The following EML4 variants were observed in gnomAD, a reference collection of about 807,000 sequenced individuals.
The protein encoded by EML4 is echinoderm microtubule-associated protein-like 4.
A neutral mutation model predicts 129.0 loss-of-function variants in EML4; 72 were observed. The observed-to-expected ratio is 0.56, with a 90% confidence interval of 0.46 to 0.68. The LOEUF (loss-of-function observed/expected upper bound fraction) is 0.68, where lower values mean the gene tolerates loss of function less well. EML4 is among the 30% of genes least tolerant of loss of function. EML4 has a pLI of 0.00. For missense variants in EML4, 1,363 were observed against 1,190.6 expected, an observed-to-expected ratio of 1.14 and a Z score of -2.13; for synonymous variants, 532 against 405.0, an observed-to-expected ratio of 1.31 and a Z score of -3.77.
intron 1 of EML4, among the ~76,000 whole-genome samples, chr2:42,205,256 C>G (rs944163656): frequency 6.6e-6 from 1 of 152,196 alleles, no homozygotes; most frequent in Non-Finnish European, 1.5e-5. Flanking sequence ...ACAAAAAACA[C>G]TTCCAGATGT....
intron 1 of EML4, among the ~76,000 whole-genome samples, chr2:42,242,138 G>C (rs1675078371): frequency 6.6e-6 from 1 of 152,128 alleles, no homozygotes; most frequent in Non-Finnish European, 1.5e-5. Flanking sequence ...CTAAAACCTA[G>C]CACCCTAACC....
intron 6 of EML4, among the ~76,000 whole-genome samples, chr2:42,272,449 T>A (rs1666431394): frequency 6.6e-6 from 1 of 152,182 alleles, no homozygotes; most frequent in African/African-American, 2.4e-5. Context: ...ATTTATCAGA[T>A]CTTTACATTT....
intron 1 of EML4, among the ~76,000 whole-genome samples, chr2:42,211,237 A>G (rs1003370116): frequency 6.6e-6 from 1 of 151,128 alleles, no homozygotes; most frequent in African/African-American, 2.4e-5. Context: ...AGCATGGCTG[A>G]AAAAAAATCA....
At position 42,255,083 on chromosome 2, in the gene EML4, T is replaced by G. The variant is rs535523178; in HGVS notation, c.209-1418T>G. 1.6e-3 allele frequency among the ~76,000 whole-genome samples: 237 copies of G among 151,950 alleles called. 1 individual carries two copies. Among genetic ancestry groups the G allele is most frequent in the African/African-American group, 5.5e-3 (229 of 41,488 alleles). On this transcript the variant is annotated intron_variant, in intron 2 of 22. Transcript: ENST00000318522. Reference sequence around the variant, plus strand: ...CTTAATGGATACGCGGTTTTTGTTTTTTTTTTCTTTTCTTTTCTTTGAGAC... The same window carrying G: ...CTTAATGGATACGCGGTTTTTGTTTGTTTTTTCTTTTCTTTTCTTTGAGAC...
intron 16 of EML4, among the ~76,000 whole-genome samples, chr2:42,303,879 C>T (rs1292179115): frequency 3.3e-5 from 5 of 152,118 alleles, no homozygotes; most frequent in African/African-American, 1.2e-4. Context: ...GAGCCGAGAT[C>T]GTGCCAGTGC....
chr2:42,274,505 A>G (rs1666547229), intron 6 of EML4, among the ~76,000 whole-genome samples: 1 of 152,198 alleles, frequency 6.6e-6, no homozygotes, highest in African/African-American at 2.4e-5. Context: ...CACTGGAGCA[A>G]CTGATCTTGG....
intron 17 of EML4, among the ~76,000 whole-genome samples, chr2:42,312,271 C>G (rs1394721486): frequency 2.0e-5 from 3 of 152,008 alleles, no homozygotes; most frequent in African/African-American, 2.4e-5. Flanking sequence ...TAAGCCCCCC[C>G]CCACCATCGT....
chr2:42,198,657 A>G (rs1348264312), intron 1 of EML4, among the ~76,000 whole-genome samples: 1 of 152,244 alleles, frequency 6.6e-6, no homozygotes, highest in Non-Finnish European at 1.5e-5. Context: ...GTGAGGACAC[A>G]TTCTGAGAAG....
At position 42,263,011 on chromosome 2, in the gene EML4, C is replaced by G. The variant is rs937974682; in HGVS notation, c.513-167C>G. Among the ~76,000 whole-genome samples the G allele has an allele frequency of 2.6e-5, 4 of 152,076 alleles. No homozygotes were observed. In the South Asian group the frequency reaches 6.2e-4, roughly 24 times the overall value. On this transcript the variant is annotated intron_variant, in intron 4 of 22. Transcript: ENST00000318522. ...AATTATAATACAGATTTGGGAATTG[C>G]CTTGTTTAACTCCTTCACTCATCCA...
At chr2:42,183,959 C>G (rs1671098832) in intron 1 of EML4, among the ~76,000 whole-genome samples, 1 of 152,038 alleles carries the variant, frequency 6.6e-6, no homozygotes, top group South Asian at 2.1e-4. Flanking sequence ...ATGAGGTCAC[C>G]TCTTTGACCT....
Position 42,325,567 on chromosome 2 carries a change from G to T in EML4, c.2242+13G>T. The T allele has an allele frequency of 1.6e-6, 1 of 608,850 alleles. No homozygotes were observed. The allele number at this position is 608,850 out of a possible 1,614,324, so 37.7% of individuals were successfully genotyped here. A position where few individuals can be genotyped will look rare whatever the true frequency, so the allele number is the denominator to read the frequency against. On this transcript the variant is annotated intron_variant, in intron 20 of 22. Coordinates refer to ENST00000318522, the MANE Select transcript of EML4 (RefSeq NM_019063.5). ...GAAATATTGTACTGTAAGTATGAAT[G>T]ATTTTATATATATATATATATGCTA...
chr2:42,246,082 G>A (rs1027288024), intron 2 of EML4, among the ~76,000 whole-genome samples: 2 of 152,158 alleles, frequency 1.3e-5, no homozygotes, highest in African/African-American at 4.8e-5. Flanking sequence ...AATCATCATA[G>A]TTTAAATAGC....
At chr2:42,311,256 ATTAG>A (rs1296514562) in intron 17 of EML4, among the ~76,000 whole-genome samples, 3 of 152,224 alleles carry the variant, frequency 2.0e-5, no homozygotes, top group African/African-American at 7.2e-5. Flanking sequence ...TTAAAACAGC[ATTAG>A]TTAGGGCTTC....
chr2:42,292,960 A>G (rs535532291), intron 11 of EML4, among the ~76,000 whole-genome samples: 1 of 152,266 alleles, frequency 6.6e-6, no homozygotes, highest in Non-Finnish European at 1.5e-5. Context: ...ACTGTCATGT[A>G]GTTTTGATTT....
At chr2:42,245,204 T>G (rs1400958104) in intron 1 of EML4, among the ~76,000 whole-genome samples, 2 of 148,088 alleles carry the variant, frequency 1.4e-5, no homozygotes, top group Non-Finnish European at 1.5e-5. Context: ...ACATGATTCT[T>G]GTGCCTCAGC....
chr2:42,332,025 G>A lies in EML4; in HGVS notation c.*1818G>A, dbSNP rs1364830505. The A allele has an allele frequency of 2.7e-5, 6 of 222,692 alleles. No individual in the cohort carries two copies. In the East Asian group the frequency reaches 3.9e-4, roughly 15 times the overall value. 13.8% of individuals were successfully genotyped at this position (222,692 alleles called of 1,614,324 possible). On this transcript the variant is annotated 3_prime_UTR_variant, in exon 23 of 23. Transcript: ENST00000318522. Reference sequence around the variant, plus strand: ...ATGTATGTTCTGTACATACTTATCGGAGCGCGCCAGTAAGTATCAGGCATA... The same window carrying A: ...ATGTATGTTCTGTACATACTTATCGAAGCGCGCCAGTAAGTATCAGGCATA...
In EML4 at chr2:42,325,489, A is replaced by T. The variant is rs2103828226; in HGVS notation, c.2177A>T (p.His726Leu). ...RCTGHSSYIT[H>L]LDWSPDNKYI... ...TAGGGACATTCCAGCTACATCACAC[A>T]CCTTGACTGGTCCCCAGACAACAAG... The change falls in exon 20 of 23, where the codon CAC (histidine) becomes CTC (leucine). Residue 726 changes from histidine (H) to leucine (L), a missense_variant. Physicochemically the swap from His to Leu is moderately conservative, Grantham distance 99. Coordinates refer to ENST00000318522, the MANE Select transcript of EML4 (RefSeq NM_019063.5). 6.4e-7 allele frequency: 1 copy of T among 1,574,784 alleles called. No individual in the cohort carries two copies. Among genetic ancestry groups the T allele is most frequent in the Non-Finnish European group, 8.7e-7 (1 of 1,149,722 alleles).
intron 1 of EML4, among the ~76,000 whole-genome samples, chr2:42,222,890 C>A (rs1270080710): frequency 1.3e-5 from 2 of 152,064 alleles, no homozygotes; most frequent in Non-Finnish European, 2.9e-5. Context: ...GCTCCGCCTC[C>A]CGGGTTCACG....
chr2:42,216,722 C>G (rs577208475), intron 1 of EML4, among the ~76,000 whole-genome samples: 28 of 152,148 alleles, frequency 1.8e-4, no homozygotes, highest in Non-Finnish European at 3.8e-4. Flanking sequence ...ACAATGAGTG[C>G]TTGCTATTTC....
Sources: allele counts gnomAD v4.1 joint callset (sites outside exome capture counted in the v4.1 genomes callset), GRCh38; gene constraint gnomAD v4.1.1; transcripts MANE v1.5; gene names NCBI Gene and HGNC (gene_info 2026-07-23, HGNC 2026-07-21).